The following EDIL3 variants were observed in gnomAD, a reference collection of about 807,000 sequenced individuals.
The protein encoded by EDIL3 is EGF-like repeat and discoidin I-like domain-containing protein 3.
EDIL3 carries 37 observed loss-of-function variants against 67.4 expected under a neutral mutation model. That is an observed-to-expected ratio of 0.55 (90% confidence interval 0.42 to 0.72). The LOEUF is 0.72. Among genes scored for constraint, EDIL3 ranks in the 30% least tolerant of loss-of-function variants. The probability of loss-of-function intolerance (pLI) is 0.00; values close to 1 mark genes in which losing one functional copy is unlikely to be tolerated. For synonymous variants in EDIL3, 195 were observed against 196.3 expected (o/e 0.99, Z 0.05); for missense variants, 527 against 586.3 (o/e 0.90, Z 1.04).
intron 10 of EDIL3, 94 bp from the exon 11 acceptor site, chr5:83,943,662 A>G: frequency 1.4e-6 from 2 of 1,417,660 alleles, no homozygotes; most frequent in South Asian, 1.4e-5. Flanking sequence ...CCCAAACATG[A>G]TATTTGATAA....
chr5:83,943,087 C>A lies in EDIL3; in HGVS notation c.*332G>T. Reference sequence around the variant, plus strand: ...TTGCTCTTATTTGATGACTTTGAGACTTTTTTACTCTTGCTATAAAAAGAA... The same window carrying A: ...TTGCTCTTATTTGATGACTTTGAGAATTTTTTACTCTTGCTATAAAAAGAA... On this transcript the variant is annotated 3_prime_UTR_variant, in exon 11 of 11. Coordinates refer to ENST00000296591, the MANE Select transcript of EDIL3 (RefSeq NM_005711.5). The A allele has an allele frequency of 3.8e-6, 1 of 261,560 alleles. No homozygotes were observed. Among genetic ancestry groups the A allele is most frequent in the South Asian group, 4.2e-5 (1 of 24,048 alleles). The allele number at this position is 261,560 out of a possible 1,614,324, so 16.2% of individuals were successfully genotyped here.
chr5:84,066,731 T>C, intron 6 of EDIL3, 125 bp from the exon 7 acceptor site: 1 of 1,261,128 alleles, frequency 7.9e-7, no homozygotes, highest in Non-Finnish European at 1.1e-6. Context: ...CTAATAATTT[T>C]CATGGATAAA....
chr5:83,976,621 TTTAA>T (rs1396104831), intron 9 of EDIL3, among the ~76,000 whole-genome samples: 8 of 151,778 alleles, frequency 5.3e-5, no homozygotes, highest in Non-Finnish European at 1.0e-4. Flanking sequence ...AGGTTTCTTT[TTTAA>T]TTAATTAATA....
At chr5:84,319,494 C>CAAAAAAAAAAAAAAAAAAAAAAAAAAAAA (rs55738450) in intron 1 of EDIL3, among the ~76,000 whole-genome samples, 35 of 42,836 alleles carry the variant, frequency 8.2e-4, no homozygotes, top group East Asian at 1.1e-3. Flanking sequence ...CAAAAAACAA[C>CAAAAAAAAAAAAAAAAAAAAAAAAAAAAA]AAAAAAAAAA....
intron 5 of EDIL3, among the ~76,000 whole-genome samples, chr5:84,136,760 C>A (rs951381958): frequency 6.6e-6 from 1 of 151,812 alleles, no homozygotes; most frequent in Admixed American, 6.6e-5. Flanking sequence ...GTCTTGAGCT[C>A]CTGGGCTCCT....
intron 1 of EDIL3, among the ~76,000 whole-genome samples, chr5:84,297,271 A>G (rs1241694120): frequency 2.6e-5 from 4 of 152,074 alleles, no homozygotes; most frequent in South Asian, 2.1e-4. Context: ...ACCAACAAAC[A>G]TGGAAAAAAG....
chr5:83,989,023 T>C (rs1255182586), intron 9 of EDIL3, among the ~76,000 whole-genome samples: 7 of 152,092 alleles, frequency 4.6e-5, no homozygotes, highest in Admixed American at 3.3e-4. Flanking sequence ...AAAAACAAAA[T>C]CAAATATTAA....
At chr5:84,176,200 TATATA>T (rs1561453755) in intron 4 of EDIL3, among the ~76,000 whole-genome samples, 1 of 4,742 alleles carries the variant, frequency 2.1e-4, no homozygotes, top group African/African-American at 1.0e-3. Flanking sequence ...ATATATATAA[TATATA>T]TATATATATA....
intron 3 of EDIL3, among the ~76,000 whole-genome samples, chr5:84,182,992 C>A (rs1420404280): frequency 6.6e-6 from 1 of 152,094 alleles, no homozygotes; most frequent in Non-Finnish European, 1.5e-5. Flanking sequence ...ACAATTTGAA[C>A]CATTTTCTTT....
chr5:83,958,328 T>G (rs1704185551), intron 10 of EDIL3, among the ~76,000 whole-genome samples: 1 of 151,516 alleles, frequency 6.6e-6, no homozygotes, highest in Non-Finnish European at 1.5e-5. Flanking sequence ...GCTCTCCTCA[T>G]GAGTGCCATA....
At chr5:84,087,097 C>T (rs1199727172) in intron 6 of EDIL3, among the ~76,000 whole-genome samples, 1 of 152,170 alleles carries the variant, frequency 6.6e-6, no homozygotes, top group Admixed American at 6.5e-5. Context: ...ATATATTTAG[C>T]TAATAATCTC....
intron 5 of EDIL3, among the ~76,000 whole-genome samples, chr5:84,132,617 C>T (rs1341870705): frequency 1.8e-5 from 2 of 113,196 alleles, no homozygotes; most frequent in South Asian, 2.5e-4. Context: ...TATAAATATA[C>T]ACACAGTATA....
intron 9 of EDIL3, among the ~76,000 whole-genome samples, chr5:84,044,263 A>C (rs1314221327): frequency 1.3e-5 from 2 of 152,204 alleles, no homozygotes; most frequent in African/African-American, 4.8e-5. Context: ...ATCAACTAAA[A>C]AGAGTTAAAC....
At chr5:84,213,237 C>G (rs1441814353) in intron 3 of EDIL3, among the ~76,000 whole-genome samples, 1 of 150,902 alleles carries the variant, frequency 6.6e-6, no homozygotes, top group African/African-American at 2.4e-5. Flanking sequence ...GTATAACTAA[C>G]TTATTGTGTT....
chr5:84,162,652 T>G (rs1167825792), intron 4 of EDIL3, among the ~76,000 whole-genome samples: 1 of 152,130 alleles, frequency 6.6e-6, no homozygotes, highest in Non-Finnish European at 1.5e-5. Context: ...CCATGTTGAT[T>G]GCACAGGGAC....
intron 6 of EDIL3, among the ~76,000 whole-genome samples, chr5:84,082,905 TTA>T (rs1251769068): frequency 2.0e-5 from 3 of 152,178 alleles, no homozygotes; most frequent in Non-Finnish European, 4.4e-5. Context: ...GAGTAAGTTT[TTA>T]ATATGTTGTC....
intron 5 of EDIL3, among the ~76,000 whole-genome samples, chr5:84,130,753 T>C (rs1178840907): frequency 6.6e-6 from 1 of 152,148 alleles, no homozygotes; most frequent in Admixed American, 6.6e-5. Flanking sequence ...TTCGCTAAGA[T>C]ACCTGATCAA....
chr5:84,065,049 G>A (rs566639374), intron 7 of EDIL3, among the ~76,000 whole-genome samples: 15 of 152,248 alleles, frequency 9.9e-5, no homozygotes, highest in Middle Eastern at 3.4e-3. Flanking sequence ...ATAAACCACT[G>A]TGGCTCATGA....
At chr5:84,124,299 A>G (rs1046780238) in intron 5 of EDIL3, among the ~76,000 whole-genome samples, 1 of 151,974 alleles carries the variant, frequency 6.6e-6, no homozygotes, top group African/African-American at 2.4e-5. Context: ...TATTATATGC[A>G]TAGCCTCTGA....
Sources: gnomAD v4.1 joint callset for allele counts (sites outside exome capture counted in the v4.1 genomes callset) on GRCh38, gnomAD v4.1.1 for gene constraint, MANE v1.5 for transcripts, NCBI Gene and HGNC (gene_info 2026-07-23, HGNC 2026-07-21) for gene names.